The following CLYBL variants were observed in gnomAD, a reference collection of about 807,000 sequenced individuals.
CLYBL encodes citramalyl-CoA lyase, mitochondrial.
In CLYBL, 31 loss-of-function variants were observed where a neutral mutation model predicts 38.9. The observed-to-expected ratio is 0.80, with a 90% CI of 0.60 to 1.08. CLYBL has a LOEUF of 1.08. Ranked by LOEUF, CLYBL falls within the 50% of genes least tolerant of loss-of-function variation. The probability of loss-of-function intolerance (pLI) is 0.00; values close to 1 mark genes in which losing one functional copy is unlikely to be tolerated. For missense variants in CLYBL, 434 were observed against 411.6 expected (o/e 1.05, Z -0.47); for synonymous variants, 171 against 158.6 (o/e 1.08, Z -0.59).
intron 1 of CLYBL, among the ~76,000 whole-genome samples, chr13:99,652,375 AT>A (rs988597839): frequency 1.3e-5 from 2 of 152,126 alleles, no homozygotes; most frequent in Non-Finnish European, 2.9e-5. Flanking sequence ...GTCTGGTGTG[AT>A]TTGCCAAGTG....
chr13:99,748,937 G>C (rs903615148), intron 1 of CLYBL, among the ~76,000 whole-genome samples: 3 of 152,118 alleles, frequency 2.0e-5, no homozygotes, highest in African/African-American at 7.2e-5. Flanking sequence ...CCAACACTTT[G>C]GGAGGCCAAG....
intron 1 of CLYBL, among the ~76,000 whole-genome samples, chr13:99,699,845 T>C (rs2048036828): frequency 6.8e-6 from 1 of 148,142 alleles, no homozygotes; most frequent in Admixed American, 6.8e-5. Flanking sequence ...TACAAAAAAA[T>C]TAGCTGGGCG....
intron 3 of CLYBL, among the ~76,000 whole-genome samples, chr13:99,862,436 G>C (rs2051627214): frequency 6.6e-6 from 1 of 152,034 alleles, no homozygotes; most frequent in Non-Finnish European, 1.5e-5. Context: ...GCGAGCTTTG[G>C]TCTTCAAAGA....
chr13:99,654,172 G>C (rs567390137), intron 1 of CLYBL, among the ~76,000 whole-genome samples: 1 of 152,152 alleles, frequency 6.6e-6, no homozygotes, highest in Non-Finnish European at 1.5e-5. Context: ...CCATCAATCA[G>C]AACTTTGACC....
Position 99,691,103 on chromosome 13 carries a change from C to T in CLYBL, c.63-81721C>T, listed in dbSNP as rs559563754. On this transcript the variant is annotated intron_variant, in intron 1 of 8. Coordinates refer to ENST00000339105, the MANE Select transcript of CLYBL (RefSeq NM_206808.5). ...TGCTAACCCTCTCTCACTGCCCACT[C>T]AAGAATTTCCCACATGGTAGCCTCA... 3 of 152,294 alleles carry T rather than the reference C, an allele frequency of 2.0e-5. No homozygotes were observed. In the South Asian group the frequency reaches 6.2e-4, roughly 32 times the overall value. 9.4% of individuals were successfully genotyped at this position (152,294 alleles called of 1,614,324 possible).
At chr13:99,876,538 T>C (rs1018406758) in intron 7 of CLYBL, among the ~76,000 whole-genome samples, 1 of 152,318 alleles carries the variant, frequency 6.6e-6, no homozygotes. Context: ...AATCAAAATA[T>C]TCTTTATCCA....
chr13:99,872,154 A>G (rs1381724363), intron 7 of CLYBL, among the ~76,000 whole-genome samples: 1 of 152,200 alleles, frequency 6.6e-6, no homozygotes, highest in Non-Finnish European at 1.5e-5. Flanking sequence ...GTCATTCCCT[A>G]AGGATGTCCA....
At chr13:99,871,083 T>A (rs1725179565) in intron 7 of CLYBL, 21 bp downstream of exon 7, 1 of 1,612,658 alleles carries the variant, frequency 6.2e-7, no homozygotes, top group Non-Finnish European at 8.5e-7. Flanking sequence ...TGTTAATGCC[T>A]TGGGTGAGAG....
chr13:99,651,020 C>T (rs141304870), intron 1 of CLYBL, among the ~76,000 whole-genome samples: 1 of 152,218 alleles, frequency 6.6e-6, no homozygotes, highest in South Asian at 2.1e-4. Flanking sequence ...TGCTGCTTCT[C>T]CCTACAGAGC....
At chr13:99,786,977 A>T (rs1302685675) in intron 2 of CLYBL, among the ~76,000 whole-genome samples, 1 of 151,616 alleles carries the variant, frequency 6.6e-6, no homozygotes, top group Non-Finnish European at 1.5e-5. Context: ...GCATTTTTTC[A>T]TGTGTGTGTT....
chr13:99,856,796 A>G (rs916183996), intron 2 of CLYBL, among the ~76,000 whole-genome samples: 1 of 151,538 alleles, frequency 6.6e-6, no homozygotes, highest in African/African-American at 2.4e-5. Flanking sequence ...GTGCCACTAC[A>G]CCCGGCTAAT....
chr13:99,728,698 G>GACCA (rs898166601), intron 1 of CLYBL, among the ~76,000 whole-genome samples: 41 of 152,006 alleles, frequency 2.7e-4, no homozygotes, highest in African/African-American at 9.9e-4. Context: ...ACGTAGCTGG[G>GACCA]ACCACAGTTG....
At chr13:99,833,565 C>T (rs2050867133) in intron 2 of CLYBL, among the ~76,000 whole-genome samples, 1 of 151,878 alleles carries the variant, frequency 6.6e-6, no homozygotes, top group Non-Finnish European at 1.5e-5. Context: ...CATCAGAGTC[C>T]TCCAGTCACC....
At chr13:99,898,852 A>ATG (rs993111525), downstream of CLYBL, among the ~76,000 whole-genome samples, 1 of 152,276 alleles carries the variant, frequency 6.6e-6, no homozygotes, top group African/African-American at 2.4e-5. Context: ...GGTTGTTTAG[A>ATG]TGTGTGTGTC....
At chr13:99,844,485 A>T (rs1330313685) in intron 2 of CLYBL, among the ~76,000 whole-genome samples, 1 of 152,192 alleles carries the variant, frequency 6.6e-6, no homozygotes, top group African/African-American at 2.4e-5. Flanking sequence ...GTGTTGGCAC[A>T]CCATTGGGAC....
At chr13:99,622,812 T>A (rs2046816962) in intron 1 of CLYBL, among the ~76,000 whole-genome samples, 1 of 151,190 alleles carries the variant, frequency 6.6e-6, no homozygotes, top group African/African-American at 2.5e-5. Context: ...AAATTAAATT[T>A]AATTTTTTAG....
chr13:99,881,364 T>C (rs1286153264), intron 7 of CLYBL, among the ~76,000 whole-genome samples: 2 of 152,210 alleles, frequency 1.3e-5, no homozygotes, highest in Admixed American at 6.5e-5. Context: ...TGTAAAAAGA[T>C]GAAAAACACG....
chr13:99,638,408 C>A (rs1383864611), intron 1 of CLYBL, among the ~76,000 whole-genome samples: 2 of 152,204 alleles, frequency 1.3e-5, no homozygotes, highest in Non-Finnish European at 2.9e-5. Flanking sequence ...TAAAATATTA[C>A]ATAGACATAC....
intron 7 of CLYBL, among the ~76,000 whole-genome samples, chr13:99,878,841 C>T (rs78741138): frequency 0.011 from 1,630 of 152,258 alleles, 28 homozygotes; most frequent in African/African-American, 0.037. Flanking sequence ...AAAGACTTGC[C>T]TACTCTTGCC....
Sources: gnomAD v4.1 joint callset for allele counts (sites outside exome capture counted in the v4.1 genomes callset) on GRCh38, gnomAD v4.1.1 for gene constraint, MANE v1.5 for transcripts, NCBI Gene and HGNC (gene_info 2026-07-23, HGNC 2026-07-21) for gene names.